TOX2: variants seen among roughly 807,000 people sequenced by gnomAD.
TOX2 encodes the protein granulosa cell HMG box 1.
TOX2 carries 15 observed loss-of-function variants against 47.4 expected under a neutral mutation model. The ratio of observed to expected loss-of-function variants is 0.32; its 90% CI spans 0.21 to 0.49. The LOEUF (loss-of-function observed/expected upper bound fraction) is 0.49. Ranked by LOEUF, TOX2 falls within the 20% of genes least tolerant of loss-of-function variation. The pLI, the probability that TOX2 is intolerant of heterozygous loss-of-function variation, is 0.99. For synonymous variants in TOX2, 290 were observed against 296.6 expected (o/e 0.98, Z 0.23); for missense variants, 622 against 673.1 (o/e 0.92, Z 0.84).
intron 1 of TOX2, chr20:43,945,774 C>A: frequency 1.6e-6 from 2 of 1,243,098 alleles, no homozygotes; most frequent in Non-Finnish European, 2.2e-6. Context: ...GGTTAAATAA[C>A]AGGTTTTTCC....
chr20:43,924,797 T>C (rs11086907), intron 1 of TOX2, among the ~76,000 whole-genome samples: 19,070 of 152,204 alleles, frequency 0.13, 1,361 homozygotes, highest in East Asian at 0.25. Context: ...GATTTTGCTC[T>C]TTGTAAGACA....
chr20:43,971,472 G>A (rs1049297339), intron 1 of TOX2, among the ~76,000 whole-genome samples: 20 of 152,196 alleles, frequency 1.3e-4, no homozygotes, highest in African/African-American at 3.1e-4. Context: ...GAGTGAAGGC[G>A]GCTGGGTAAA....
At chr20:44,022,953 C>T (rs1032787970) in intron 3 of TOX2, among the ~76,000 whole-genome samples, 2 of 149,984 alleles carry the variant, frequency 1.3e-5, no homozygotes, top group Non-Finnish European at 3.0e-5. Flanking sequence ...AAGAAACAGG[C>T]ACCAGACGGG....
At chr20:44,041,595 G>C (rs915728544) in intron 3 of TOX2, among the ~76,000 whole-genome samples, 4 of 152,148 alleles carry the variant, frequency 2.6e-5, no homozygotes, top group Non-Finnish European at 5.9e-5. Flanking sequence ...GGTTGGGGAA[G>C]TGGGCGCTCT....
chr20:44,005,941 GA>G lies in TOX2; in HGVS notation c.166-596del, dbSNP rs142869884. Among the ~76,000 whole-genome samples, 9 of 148,200 alleles carry G rather than the reference GA, an allele frequency of 6.1e-5. No individual in the cohort carries two copies. The East Asian group carries it at 1.2e-3, about 19-fold the overall frequency. ...GTTCCTGGACAGTTTGGCGAGGTGG[GA>G]AAAAAAAAACAAGGAAGGACTGGAA... is the stretch of plus-strand genomic sequence containing the variant. On this transcript the variant is annotated intron_variant, in intron 2 of 8. Transcript: ENST00000341197.
At chr20:44,011,572 A>G (rs1213886875) in intron 3 of TOX2, among the ~76,000 whole-genome samples, 9 of 152,230 alleles carry the variant, frequency 5.9e-5, no homozygotes, top group Admixed American at 5.9e-4. Flanking sequence ...CAAGGCCAGA[A>G]TGCAAACCCA....
At chr20:43,971,945 A>G (rs2069977866) in intron 1 of TOX2, among the ~76,000 whole-genome samples, 3 of 152,204 alleles carry the variant, frequency 2.0e-5, no homozygotes, top group Admixed American at 2.0e-4. Flanking sequence ...GGGGCAGTGG[A>G]TGGCTGGGAG....
Position 43,952,762 on chromosome 20 carries a change from C to T in TOX2, c.100-20605C>T, listed in dbSNP as rs142877542. 2.4e-3 allele frequency among the ~76,000 whole-genome samples: 361 copies of T among 152,294 alleles called. 1 individual carries two copies. The highest frequency in any genetic ancestry group is 8.2e-3 in the African/African-American group (341 of 41,552). ...CACAGCAGGTACTTCCCTCTCTGCCCTCTCCAGACATATAGGCAGACTGAG... is the reference window on the plus strand; with the variant it reads ...CACAGCAGGTACTTCCCTCTCTGCCTTCTCCAGACATATAGGCAGACTGAG... On this transcript the variant is annotated intron_variant, in intron 1 of 8. Coordinates refer to ENST00000341197, the MANE Select transcript of TOX2 (RefSeq NM_001098797.2).
chr20:43,945,378 T>C (rs981232125), intron 1 of TOX2, among the ~76,000 whole-genome samples: 1 of 152,252 alleles, frequency 6.6e-6, no homozygotes, highest in African/African-American at 2.4e-5. Flanking sequence ...TTTCAGTGTA[T>C]TCAACCAGAC....
intron 2 of TOX2, among the ~76,000 whole-genome samples, chr20:43,981,760 A>C (rs1422118818): frequency 2.6e-5 from 4 of 152,210 alleles, no homozygotes; most frequent in Non-Finnish European, 2.9e-5. Flanking sequence ...TCTGGGCTTC[A>C]GTATAAGCAG....
At chr20:43,946,609 T>TA (rs1290642546) in intron 1 of TOX2, among the ~76,000 whole-genome samples, 1 of 152,160 alleles carries the variant, frequency 6.6e-6, no homozygotes, top group Non-Finnish European at 1.5e-5. Flanking sequence ...GTTTGTGAAG[T>TA]AAGGACATTA....
At chr20:44,062,744 T>C (rs1268013912) in intron 5 of TOX2, among the ~76,000 whole-genome samples, 2 of 152,128 alleles carry the variant, frequency 1.3e-5, no homozygotes, top group Non-Finnish European at 2.9e-5. Context: ...GACTTCAAAC[T>C]ATATGGCCAT....
chr20:44,008,360 G>A (rs369581064), intron 3 of TOX2, among the ~76,000 whole-genome samples: 2 of 152,054 alleles, frequency 1.3e-5, no homozygotes, highest in Non-Finnish European at 2.9e-5. Flanking sequence ...AGGAGTTCAA[G>A]ACCATCCTGG....
At position 43,916,241 on chromosome 20, in the gene TOX2, C is replaced by T. The variant is rs1238834970; in HGVS notation, c.99+1251C>T. On this transcript the variant is annotated intron_variant, in intron 1 of 8. Transcript: ENST00000341197. The surrounding 1 kb of genome is among the most constrained non-coding windows in gnomAD (Gnocchi z 5.0). ...CGCGTCCAGTGGCTGGATCGGCGCC[C>T]CCCAGGGTCTCTCCCCAACCTCGCA... The T allele has an allele frequency of 1.0e-6, 1 of 984,950 alleles. No homozygotes were observed. The highest frequency in any genetic ancestry group is 1.2e-6 in the Non-Finnish European group (1 of 829,576). 61.0% of individuals were successfully genotyped at this position (984,950 alleles called of 1,614,324 possible). A position where few individuals can be genotyped will look rare whatever the true frequency, so the allele number is the denominator to read the frequency against.
At chr20:44,041,320 G>C (rs1344097789) in intron 3 of TOX2, among the ~76,000 whole-genome samples, 1 of 152,208 alleles carries the variant, frequency 6.6e-6, no homozygotes, top group African/African-American at 2.4e-5. Context: ...AGCACACAGG[G>C]GAATGGGTAC....
chr20:43,916,845 T>C lies in TOX2; in HGVS notation c.99+1855T>C, dbSNP rs1046285796. On this transcript the variant is annotated intron_variant, in intron 1 of 8. Coordinates refer to ENST00000341197, the MANE Select transcript of TOX2 (RefSeq NM_001098797.2). The surrounding 1 kb of genome is among the most constrained non-coding windows in gnomAD (Gnocchi z 5.0). The stretch of plus-strand genomic sequence containing the variant: ...TCTATAAATCTCGCCAGGGTGGGGC[T>C]GTCCCAAATAGGGGCCTTTGGAGGC... Among the ~76,000 whole-genome samples, 4 of 152,170 alleles carry C rather than the reference T, an allele frequency of 2.6e-5. No individual in the cohort carries two copies. Among genetic ancestry groups the C allele is most frequent in the Non-Finnish European group, 5.9e-5 (4 of 68,032 alleles).
chr20:43,919,507 A>AT (rs947245019), intron 1 of TOX2, among the ~76,000 whole-genome samples: 5 of 152,042 alleles, frequency 3.3e-5, no homozygotes, highest in African/African-American at 9.7e-5. Context: ...AGCTGGCAAG[A>AT]TTTTTTTTAA....
In TOX2 at chr20:43,961,518, G is replaced by C. The variant is rs572874808; in HGVS notation, c.100-11849G>C. 5.7e-4 allele frequency among the ~76,000 whole-genome samples: 86 copies of C among 152,108 alleles called. 1 individual carries two copies. Among genetic ancestry groups the C allele is most frequent in the Non-Finnish European group, 1.1e-3 (77 of 68,004 alleles). The stretch of plus-strand genomic sequence containing the variant: ...GGTCCCCACTGACCCTGCACTGCCT[G>C]AGCCAACTGATGCTCAGTCAATGGT... On this transcript the variant is annotated intron_variant, in intron 1 of 8. Coordinates refer to ENST00000341197, the MANE Select transcript of TOX2 (RefSeq NM_001098797.2).
intron 2 of TOX2, among the ~76,000 whole-genome samples, chr20:43,998,111 A>G (rs1012720177): frequency 1.3e-5 from 2 of 152,224 alleles, no homozygotes; most frequent in African/African-American, 4.8e-5. Context: ...AAGCAAGCAC[A>G]TATTCACATG....
Sources: gnomAD v4.1 joint callset for allele counts (sites outside exome capture counted in the v4.1 genomes callset) on GRCh38, gnomAD v4.1.1 for gene constraint, Gnocchi (gnomAD v3.1) non-coding constraint, MANE v1.5 for transcripts, NCBI Gene and HGNC (gene_info 2026-07-23, HGNC 2026-07-21) for gene names.